NALCN: variants seen among roughly 807,000 people sequenced by gnomAD.
NALCN encodes the protein sodium leak channel NALCN.
In NALCN, 111 loss-of-function variants were observed where a neutral mutation model predicts 225.3. The observed-to-expected ratio is 0.49, with a 90% CI of 0.42 to 0.58. The LOEUF is 0.58. Among genes scored for constraint, NALCN ranks in the 20% least tolerant of loss-of-function variants. NALCN has a pLI of 0.00. For missense variants in NALCN, 1,378 were observed against 2,202.4 expected (o/e 0.63, Z 7.49); for synonymous variants, 764 against 769.0 (o/e 0.99, Z 0.11).
intron 26 of NALCN, among the ~76,000 whole-genome samples, chr13:101,101,730 T>C (rs1230743173): frequency 6.6e-5 from 10 of 152,302 alleles, no homozygotes; most frequent in Admixed American, 4.6e-4. Context: ...AATTAACTCA[T>C]GCTCCCTCTG....
chr13:101,413,819 G>C lies in NALCN; in HGVS notation c.-40+2494C>G, dbSNP rs150534459. 3.8e-3 allele frequency among the ~76,000 whole-genome samples: 574 copies of C among 152,300 alleles called. 3 individuals are homozygous for C. Among genetic ancestry groups the C allele is most frequent in the African/African-American group, 0.013 (544 of 41,570 alleles). On this transcript the variant is annotated intron_variant, in intron 1 of 43. Coordinates refer to ENST00000251127, the MANE Select transcript of NALCN (RefSeq NM_052867.4). The stretch of plus-strand genomic sequence containing the variant: ...AAAATCTGTGCTGGTCCTTGAGACA[G>C]GCGAGAATTGTATAACATGAGTGAA...
intron 10 of NALCN, among the ~76,000 whole-genome samples, chr13:101,275,151 A>G (rs558566781): frequency 6.6e-6 from 1 of 152,050 alleles, no homozygotes; most frequent in Non-Finnish European, 1.5e-5. Context: ...ATTTTTTCCC[A>G]GTGCACCTTC....
At chr13:101,240,956 T>C (rs2041737127) in intron 11 of NALCN, among the ~76,000 whole-genome samples, 1 of 152,234 alleles carries the variant, frequency 6.6e-6, no homozygotes, top group Non-Finnish European at 1.5e-5. Flanking sequence ...AATTGGCCTA[T>C]AGTTTTACTT....
intron 7 of NALCN, among the ~76,000 whole-genome samples, chr13:101,309,166 C>T (rs2044253782): frequency 1.3e-5 from 2 of 151,978 alleles, no homozygotes; most frequent in South Asian, 4.1e-4. Context: ...AAAAATCTTG[C>T]CAAAATAATG....
At chr13:101,356,636 C>T (rs1221167247) in intron 6 of NALCN, among the ~76,000 whole-genome samples, 8 of 152,192 alleles carry the variant, frequency 5.3e-5, no homozygotes, top group Admixed American at 5.2e-4. Context: ...CCTTCTGAAA[C>T]TATTCCAAAA....
intron 12 of NALCN, among the ~76,000 whole-genome samples, chr13:101,232,450 C>CTTTTT (rs11400612): frequency 3.5e-5 from 5 of 142,636 alleles, no homozygotes; most frequent in African/African-American, 5.1e-5. Flanking sequence ...CTTTTCTTTT[C>CTTTTT]TTTTTTTTTT....
chr13:101,298,344 C>T (rs975369567), intron 7 of NALCN, among the ~76,000 whole-genome samples: 43 of 143,444 alleles, frequency 3.0e-4, no homozygotes, highest in Non-Finnish European at 3.6e-4. Context: ...TTTTTTGAGA[C>T]GGTGTCTTGC....
chr13:101,292,381 G>A lies in NALCN; in HGVS notation c.800-15C>T. On this transcript the variant is annotated splice_polypyrimidine_tract_variant and intron_variant, in intron 7 of 43. Transcript: ENST00000251127. This position sits in a 1 kb window ranked among gnomAD's most constrained non-coding sequence, Gnocchi z 4.3. ...TATACTAGTTCCTGTCATGACAGAG[G>A]AGGACAGACTGAGTCACAGCTGACT... The A allele has an allele frequency of 3.1e-6, 5 of 1,606,044 alleles. No homozygotes were observed. Among genetic ancestry groups the A allele is most frequent in the Non-Finnish European group, 4.3e-6 (5 of 1,175,854 alleles).
chr13:101,403,905 A>C (rs74120035), intron 1 of NALCN, among the ~76,000 whole-genome samples: 1 of 152,340 alleles, frequency 6.6e-6, no homozygotes, highest in African/African-American at 2.4e-5. Context: ...TCTTCACCTC[A>C]AACTCTGACT....
Position 101,144,661 on chromosome 13 carries a change from C to T in NALCN, c.1976+99G>A. Reference sequence around the variant, plus strand: ...AGATGACAATAAAATAGAAAGAAACCCAACCCACATATACTTAAAAGAAGG... The same window carrying T: ...AGATGACAATAAAATAGAAAGAAACTCAACCCACATATACTTAAAAGAAGG... On this transcript the variant is annotated intron_variant, in intron 16 of 43. Coordinates refer to ENST00000251127, the MANE Select transcript of NALCN (RefSeq NM_052867.4). 4.1e-6 allele frequency: 5 copies of T among 1,228,790 alleles called. No individual in the cohort carries two copies. In the South Asian group the frequency reaches 7.0e-5, roughly 17 times the overall value. The allele number at this position is 1,228,790 out of a possible 1,614,324, so 76.1% of individuals were successfully genotyped here. A position where few individuals can be genotyped will look rare whatever the true frequency, so the allele number is the denominator to read the frequency against.
At chr13:101,339,279 G>A (rs909208512) in intron 7 of NALCN, among the ~76,000 whole-genome samples, 2 of 152,092 alleles carry the variant, frequency 1.3e-5, no homozygotes, top group Admixed American at 6.5e-5. Context: ...CTGCAATCAC[G>A]GAATCTCAAT....
intron 15 of NALCN, among the ~76,000 whole-genome samples, chr13:101,167,718 A>T (rs2038512188): frequency 1.1e-5 from 1 of 89,164 alleles, no homozygotes. Flanking sequence ...CATGCCTGTA[A>T]TCCCAGCTAC....
intron 14 of NALCN, among the ~76,000 whole-genome samples, chr13:101,182,068 A>G (rs953125807): frequency 7.8e-6 from 1 of 128,556 alleles, no homozygotes; most frequent in African/African-American, 2.9e-5. Flanking sequence ...CGGGAGGCGG[A>G]GCTTGCAGTG....
intron 14 of NALCN, among the ~76,000 whole-genome samples, chr13:101,185,686 T>C (rs753446829): frequency 6.6e-6 from 1 of 152,246 alleles, no homozygotes; most frequent in African/African-American, 2.4e-5. Context: ...TGATTTTCAT[T>C]GTGGGCTGAA....
intron 1 of NALCN, among the ~76,000 whole-genome samples, chr13:101,410,354 C>G (rs2139554417): frequency 6.6e-6 from 1 of 152,292 alleles, no homozygotes; most frequent in Middle Eastern, 3.4e-3. Context: ...TTAGAGAGTT[C>G]ACATTGCATA....
At chr13:101,178,654 G>A (rs1330510622) in intron 14 of NALCN, among the ~76,000 whole-genome samples, 3 of 152,170 alleles carry the variant, frequency 2.0e-5, no homozygotes, top group Non-Finnish European at 4.4e-5. Context: ...ACGGAAATAT[G>A]AGAAGTTTTA....
chr13:101,230,163 A>G, intron 12 of NALCN, among the ~76,000 whole-genome samples: 1 of 152,216 alleles, frequency 6.6e-6, no homozygotes, highest in East Asian at 1.9e-4. Flanking sequence ...CTCATTATGC[A>G]CATACATACA....
rs183990607 is a variant in NALCN, at chr13:101,271,951, T to C, written c.1134+11982A>G. On this transcript the variant is annotated intron_variant, in intron 10 of 43. Coordinates refer to ENST00000251127, the MANE Select transcript of NALCN (RefSeq NM_052867.4). ...TATGTACGTGTGAAGTGTGTGTGCATGAGCATGTGCGTGTAGATATGTGTG... is the reference window on the plus strand; with the variant it reads ...TATGTACGTGTGAAGTGTGTGTGCACGAGCATGTGCGTGTAGATATGTGTG... Among the ~76,000 whole-genome samples, 89 of 151,408 alleles carry C rather than the reference T, an allele frequency of 5.9e-4. 2 individuals carry two copies. The East Asian group carries it at 9.0e-3, about 15-fold the overall frequency.
chr13:101,331,966 A>T (rs141806324), intron 7 of NALCN, among the ~76,000 whole-genome samples: 1,886 of 152,306 alleles, frequency 0.012, 41 homozygotes, highest in African/African-American at 0.042. Context: ...ACTTGTTGCC[A>T]GTAATGAAAT....
Sources: allele counts gnomAD v4.1 joint callset (sites outside exome capture counted in the v4.1 genomes callset), GRCh38; gene constraint gnomAD v4.1.1; non-coding constraint Gnocchi (gnomAD v3.1); transcripts MANE v1.5; gene names NCBI Gene and HGNC (gene_info 2026-07-23, HGNC 2026-07-21).